SLC35G2: variants seen among roughly 807,000 people sequenced by gnomAD.
SLC35G2 encodes the protein transmembrane protein 22.
Under a neutral mutation model 27.2 loss-of-function variants are expected in SLC35G2, and 20 were observed. The ratio of observed to expected loss-of-function variants is 0.74; its 90% CI spans 0.52 to 1.07. SLC35G2 has a LOEUF of 1.07. SLC35G2 is among the 50% of genes least tolerant of loss of function. The pLI is 0.00. For missense variants in SLC35G2, 416 were observed against 493.3 expected (o/e 0.84, Z 1.48); for synonymous variants, 148 against 165.3 (o/e 0.90, Z 0.80).
chr3:136,854,331 G>T, intron 1 of SLC35G2, 112 bp from the exon 2 acceptor site: 3 of 692,732 alleles, frequency 4.3e-6, no homozygotes, highest in Non-Finnish European at 7.1e-6. Context: ...TTTTTTTCTG[G>T]ACTACTGTTA....
intron 1 of SLC35G2, among the ~76,000 whole-genome samples, chr3:136,831,592 G>A (rs1189156299): frequency 6.6e-6 from 1 of 152,194 alleles, no homozygotes; most frequent in Admixed American, 6.6e-5. Context: ...ATTGTTCAGT[G>A]AGAGGTTTTT....
Position 136,855,021 on chromosome 3 carries a change from A to C in SLC35G2, c.561A>C (p.Ser187=), listed in dbSNP as rs1401499643. 7 of 1,614,210 alleles carry C rather than the reference A, an allele frequency of 4.3e-6. No homozygotes were observed. Among genetic ancestry groups the C allele is most frequent in the Non-Finnish European group, 5.9e-6 (7 of 1,180,040 alleles). ...ISITCAYTSF[S]IVPPSNGTTM... ...TCACTTGTGCTTATACATCATTTTCAATAGTTCCTCCCAGCAATGGGACCA... is the reference window on the plus strand; with the variant it reads ...TCACTTGTGCTTATACATCATTTTCCATAGTTCCTCCCAGCAATGGGACCA... The change falls in exon 2 of 2, where the codon TCA becomes TCC. Residue 187 remains serine, a synonymous_variant. Coordinates refer to ENST00000446465, the MANE Select transcript of SLC35G2 (RefSeq NM_025246.3).
intron 1 of SLC35G2, among the ~76,000 whole-genome samples, chr3:136,844,707 C>T (rs778672848): frequency 1.5e-5 from 2 of 134,996 alleles, no homozygotes; most frequent in African/African-American, 5.6e-5. Flanking sequence ...GGCTGAGGCA[C>T]GAATTGCTTG....
rs1036818169 is a variant in SLC35G2, at chr3:136,855,457, T to G, written c.997T>G (p.Leu333Val). The G allele has an allele frequency of 1.9e-6, 3 of 1,614,074 alleles. No individual in the cohort carries two copies. Among genetic ancestry groups the G allele is most frequent in the Non-Finnish European group, 2.5e-6 (3 of 1,180,028 alleles). ...AICVCSTAAF[L>V]GVYYALDKFH... ...ATGTGTCTGTTCTACTGCAGCATTC[T>G]TAGGAGTTTATTATGCCTTGGACAA... Residue 333 changes from leucine (L) to valine (V), a missense_variant, in exon 2 of 2, where the codon TTA (leucine) becomes GTA (valine). Transcript: ENST00000446465.
intron 1 of SLC35G2, among the ~76,000 whole-genome samples, chr3:136,851,330 T>TA (rs924430015): frequency 1.7e-4 from 26 of 150,126 alleles, no homozygotes; most frequent in African/African-American, 5.9e-4. Context: ...CTGTCTCCAC[T>TA]AAAAAAAATA....
intron 1 of SLC35G2, among the ~76,000 whole-genome samples, 193 bp from the exon 2 acceptor site, chr3:136,854,250 A>T (rs1037366300): frequency 5.3e-5 from 8 of 152,200 alleles, no homozygotes; most frequent in Non-Finnish European, 1.2e-4. Context: ...ATGAGAGTGA[A>T]AAAAGGGTAA....
At chr3:136,844,468 G>A (rs1177302257) in intron 1 of SLC35G2, among the ~76,000 whole-genome samples, 1 of 146,706 alleles carries the variant, frequency 6.8e-6, no homozygotes. Context: ...CAGCCTGGGA[G>A]ACAGAGCGAG....
intron 1 of SLC35G2, among the ~76,000 whole-genome samples, chr3:136,840,377 C>CA (rs1937033357): frequency 6.6e-6 from 1 of 152,106 alleles, no homozygotes; most frequent in South Asian, 2.1e-4. Context: ...GAGTCATCCT[C>CA]AAAGAGCATT....
chr3:136,838,837 G>A (rs1936976606), intron 1 of SLC35G2: 1 of 152,208 alleles, frequency 6.6e-6, no homozygotes, highest in African/African-American at 2.4e-5. Flanking sequence ...CAGCTGGGCT[G>A]CTCTGATGAT....
chr3:136,837,639 T>G (rs760939761), intron 1 of SLC35G2: 39 of 152,188 alleles, frequency 2.6e-4, no homozygotes, highest in Non-Finnish European at 4.4e-4. Flanking sequence ...AGTAATGATT[T>G]TCTTTAACCA....
chr3:136,851,514 A>AAAG (rs1430460535), intron 1 of SLC35G2, among the ~76,000 whole-genome samples: 1 of 151,018 alleles, frequency 6.6e-6, no homozygotes, highest in African/African-American at 2.4e-5. Context: ...AAAAAAAAAA[A>AAAG]AAAAAAAGAT....
chr3:136,819,994 G>A (rs1224393012), intron 1 of SLC35G2: 1 of 152,248 alleles, frequency 6.6e-6, no homozygotes, highest in South Asian at 2.1e-4. Context: ...CACCCATTTG[G>A]CCTCATTTGA....
intron 1 of SLC35G2, among the ~76,000 whole-genome samples, chr3:136,836,647 A>G (rs1015697608): frequency 1.3e-5 from 2 of 152,206 alleles, no homozygotes; most frequent in African/African-American, 2.4e-5. Flanking sequence ...TGTGCCTTCC[A>G]TAAGAAACTT....
At chr3:136,838,794 A>G (rs1040024878) in intron 1 of SLC35G2, 1 of 152,190 alleles carries the variant, frequency 6.6e-6, no homozygotes, top group Non-Finnish European at 1.5e-5. Context: ...GAACTGATGC[A>G]TATCCTGGGC....
intron 1 of SLC35G2, among the ~76,000 whole-genome samples, chr3:136,834,517 G>T (rs536069499): frequency 2.0e-5 from 3 of 151,986 alleles, no homozygotes; most frequent in Admixed American, 2.0e-4. Flanking sequence ...TTTAGTAGAG[G>T]AGGAATTTCA....
chr3:136,854,658 A>G lies in SLC35G2; in HGVS notation c.198A>G (p.Arg66=). ...TGAGTGAAATGAAAAAAAAAGGGAGAGCTTTCTTTGGAACCATGGATACCC... is the reference window on the plus strand; with the variant it reads ...TGAGTGAAATGAAAAAAAAAGGGAGGGCTTTCTTTGGAACCATGGATACCC... ...GLLSEMKKKG[R]AFFGTMDTLP... The change falls in exon 2 of 2, where the codon AGA becomes AGG. Residue 66 remains arginine, a synonymous_variant. Coordinates refer to ENST00000446465, the MANE Select transcript of SLC35G2 (RefSeq NM_025246.3). The G allele has an allele frequency of 1.9e-6, 3 of 1,613,722 alleles. No individual in the cohort carries two copies. Among genetic ancestry groups the G allele is most frequent in the Non-Finnish European group, 2.5e-6 (3 of 1,179,912 alleles).
chr3:136,828,854 G>A (rs184046320), intron 1 of SLC35G2, among the ~76,000 whole-genome samples: 19 of 152,032 alleles, frequency 1.2e-4, no homozygotes, highest in Admixed American at 1.0e-3. Flanking sequence ...ATTTTCTCTT[G>A]TGGCATATTT....
chr3:136,826,976 T>C (rs201531617), intron 1 of SLC35G2, among the ~76,000 whole-genome samples: 1 of 144,192 alleles, frequency 6.9e-6, no homozygotes, highest in Non-Finnish European at 1.5e-5. Flanking sequence ...TTTTTTCTTT[T>C]TTTTTTTTTT....
intron 1 of SLC35G2, among the ~76,000 whole-genome samples, chr3:136,828,762 C>T (rs949931287): frequency 1.3e-5 from 2 of 152,126 alleles, no homozygotes; most frequent in Non-Finnish European, 2.9e-5. Flanking sequence ...GTAAGGACTT[C>T]TGCCATTTTG....
Sources: gnomAD v4.1 joint callset for allele counts (sites outside exome capture counted in the v4.1 genomes callset) on GRCh38, gnomAD v4.1.1 for gene constraint, MANE v1.5 for transcripts, NCBI Gene and HGNC (gene_info 2026-07-23, HGNC 2026-07-21) for gene names.